The following RHOBTB3 variants were observed in gnomAD, a reference collection of about 807,000 sequenced individuals.
RHOBTB3 encodes the protein Rho related BTB domain containing 3, also known as rho-related BTB domain-containing protein 3.
A neutral mutation model predicts 67.2 loss-of-function variants in RHOBTB3; 47 were observed. That is an observed-to-expected ratio of 0.70 (90% confidence interval 0.55 to 0.89). RHOBTB3 has a LOEUF of 0.89. Ranked by LOEUF, RHOBTB3 falls within the 40% of genes least tolerant of loss-of-function variation. The pLI, the probability that RHOBTB3 is intolerant of heterozygous loss-of-function variation, is 0.00. For synonymous variants in RHOBTB3, 273 were observed against 274.2 expected (o/e 1.00, Z 0.04); for missense variants, 631 against 750.0 (o/e 0.84, Z 1.85).
At chr5:95,730,871 T>A (rs1199307423), upstream of RHOBTB3, 1 of 455,868 alleles carries the variant, frequency 2.2e-6, no homozygotes. Context: ...TAGCGCATGT[T>A]GACAAATGAG....
At chr5:95,730,218 C>T (rs1233408225), upstream of RHOBTB3, among the ~76,000 whole-genome samples, 3 of 152,004 alleles carry the variant, frequency 2.0e-5, no homozygotes, top group Admixed American at 1.3e-4. Flanking sequence ...TTTTTACTGC[C>T]CTACTCAATA....
chr5:95,732,199 A>G (rs996804994), intron 2 of RHOBTB3, 115 bp downstream of exon 2: 7 of 899,214 alleles, frequency 7.8e-6, no homozygotes, highest in Non-Finnish European at 1.3e-5. Context: ...TACATGGGTC[A>G]AATTTTTAAA....
intron 8 of RHOBTB3, 110 bp downstream of exon 8, chr5:95,768,276 C>G (rs1224176923): frequency 9.9e-7 from 1 of 1,014,894 alleles, no homozygotes; most frequent in Non-Finnish European, 1.5e-6. Flanking sequence ...TTATTCCCTA[C>G]TGAGGTATGT....
chr5:95,790,182 C>T (rs1304714835), intron 11 of RHOBTB3, among the ~76,000 whole-genome samples: 5 of 152,142 alleles, frequency 3.3e-5, no homozygotes, highest in Non-Finnish European at 7.3e-5. Context: ...AACAAAACAA[C>T]AGTTATTTAT....
At chr5:95,763,484 C>A in intron 6 of RHOBTB3, 24 bp from the exon 7 acceptor site, 1 of 1,345,200 alleles carries the variant, frequency 7.4e-7, no homozygotes, top group South Asian at 1.2e-5. Context: ...CAGAAAAATC[C>A]AGCATGTACT....
rs921410315 is a variant in RHOBTB3 at position 95,794,547 on chromosome 5, G to GTTTC, written c.*1382_*1385dup. Reference sequence around the variant, plus strand: ...GACTGGGATAGAGGACAGACTGATAGTTTCTTTCTTTCATATCACATGTAT... The same window carrying GTTTC: ...GACTGGGATAGAGGACAGACTGATAGTTTCTTTCTTTCTTTCATATCACATGTAT... On this transcript the variant is annotated 3_prime_UTR_variant, in exon 12 of 12. Transcript: ENST00000379982. 6.5e-6 allele frequency: 1 copy of GTTTC among 153,116 alleles called. No homozygotes were observed. Among genetic ancestry groups the GTTTC allele is most frequent in the East Asian group, 1.9e-4 (1 of 5,204 alleles). 9.5% of individuals were successfully genotyped at this position (153,116 alleles called of 1,614,324 possible).
At position 95,793,816 on chromosome 5, in the gene RHOBTB3, G is replaced by A. The variant is rs187977965; in HGVS notation, c.*642G>A. On this transcript the variant is annotated 3_prime_UTR_variant, in exon 12 of 12. Coordinates refer to ENST00000379982, the MANE Select transcript of RHOBTB3 (RefSeq NM_014899.4). ...CCTAGGCAGGGCTGGCTTTCTTAGC[G>A]TGTAACTTGTGTAGCAGCACAGGGC... is the stretch of plus-strand genomic sequence containing the variant. The A allele has an allele frequency of 2.8e-3, 914 of 327,150 alleles. 1 individual carries two copies. The highest frequency in any genetic ancestry group is 4.6e-3 in the Non-Finnish European group (771 of 165,922). 20.3% of individuals were successfully genotyped at this position (327,150 alleles called of 1,614,324 possible).
At chr5:95,718,965 T>C (rs1284278184) in intron 1 of RHOBTB3, among the ~76,000 whole-genome samples, 1 of 151,998 alleles carries the variant, frequency 6.6e-6, no homozygotes, top group African/African-American at 2.4e-5. Flanking sequence ...TTGTTTTAGA[T>C]GTGGAGCTGT....
rs1005475801 is a variant in RHOBTB3 at position 95,793,254 on chromosome 5, G to C, written c.*80G>C. On this transcript the variant is annotated 3_prime_UTR_variant, in exon 12 of 12. Coordinates refer to ENST00000379982, the MANE Select transcript of RHOBTB3 (RefSeq NM_014899.4). ...CTCCAGGTTCCAGTAAAATTCTTCT[G>C]ACCGAAACCAATGTGGGTGTTAGAA... 5 of 899,470 alleles carry C rather than the reference G, an allele frequency of 5.6e-6. No homozygotes were observed. The allele number at this position is 899,470 out of a possible 1,614,324, so 55.7% of individuals were successfully genotyped here. A position where few individuals can be genotyped will look rare whatever the true frequency, so the allele number is the denominator to read the frequency against.
intron 11 of RHOBTB3, among the ~76,000 whole-genome samples, chr5:95,792,791 CA>C (rs768296765): frequency 0.14 from 9,873 of 69,500 alleles, 358 homozygotes; most frequent in Middle Eastern, 0.27. Flanking sequence ...GACTCCATCT[CA>C]AAAAAAAAAA....
intron 8 of RHOBTB3, among the ~76,000 whole-genome samples, chr5:95,776,765 A>G (rs1336613700): frequency 1.1e-4 from 16 of 152,162 alleles, no homozygotes; most frequent in Admixed American, 6.5e-5. Context: ...TTTTTTGCCT[A>G]TAAAATAGGG....
At chr5:95,764,225 A>G (rs975813994) in intron 7 of RHOBTB3, among the ~76,000 whole-genome samples, 6 of 152,164 alleles carry the variant, frequency 3.9e-5, no homozygotes, top group Admixed American at 1.3e-4. Flanking sequence ...GGAATACACA[A>G]TCTATATCAT....
intron 4 of RHOBTB3, among the ~76,000 whole-genome samples, chr5:95,751,041 T>C (rs753681697): frequency 6.6e-6 from 1 of 152,246 alleles, no homozygotes; most frequent in Non-Finnish European, 1.5e-5. Context: ...CGTTTAAATA[T>C]TTAGGTGTGT....
chr5:95,752,014 C>A (rs928258470), intron 4 of RHOBTB3, among the ~76,000 whole-genome samples: 3 of 152,210 alleles, frequency 2.0e-5, no homozygotes, highest in African/African-American at 7.2e-5. Context: ...TGATTAATAA[C>A]AATTCCTTCT....
chr5:95,719,534 A>G (rs1296172599), intron 1 of RHOBTB3: 1 of 152,254 alleles, frequency 6.6e-6, no homozygotes, highest in East Asian at 1.9e-4. Flanking sequence ...GATACTGGGT[A>G]GTGAGCAGTA....
At chr5:95,783,612 A>G in intron 9 of RHOBTB3, 185 bp from the exon 10 acceptor site, 1 of 366,916 alleles carries the variant, frequency 2.7e-6, no homozygotes, top group Non-Finnish European at 4.9e-6. Context: ...AAGAAAAAAA[A>G]GATAAAATGG....
At chr5:95,750,954 G>A (rs1210470411) in intron 4 of RHOBTB3, among the ~76,000 whole-genome samples, 2 of 152,190 alleles carry the variant, frequency 1.3e-5, no homozygotes, top group East Asian at 3.8e-4. Flanking sequence ...TGCCTGCCAG[G>A]CTTTTATGAT....
Position 95,775,345 on chromosome 5 carries a change from T to A in RHOBTB3, c.1283-4907T>A, listed in dbSNP as rs557133434. Among the ~76,000 whole-genome samples the A allele has an allele frequency of 2.7e-3, 407 of 151,188 alleles. 2 individuals carry two copies. The highest frequency in any genetic ancestry group is 9.5e-3 in the African/African-American group (393 of 41,298). The stretch of plus-strand genomic sequence containing the variant: ...TTTTGGATTTTTGGATTAGAGTTGC[T>A]AAACTATTAAGGAGATTAGAGATCC... On this transcript the variant is annotated intron_variant, in intron 8 of 11. Coordinates refer to ENST00000379982, the MANE Select transcript of RHOBTB3 (RefSeq NM_014899.4).
intron 7 of RHOBTB3, among the ~76,000 whole-genome samples, chr5:95,764,620 G>A (rs1745489874): frequency 6.6e-6 from 1 of 152,214 alleles, no homozygotes; most frequent in Non-Finnish European, 1.5e-5. Flanking sequence ...ATTGGCTGCA[G>A]TAGATAAGTA....
Sources: gnomAD v4.1 joint callset for allele counts (sites outside exome capture counted in the v4.1 genomes callset) on GRCh38, gnomAD v4.1.1 for gene constraint, MANE v1.5 for transcripts, NCBI Gene and HGNC (gene_info 2026-07-23, HGNC 2026-07-21) for gene names.